Variants in OCIAD1 observed in about 807,000 individuals in gnomAD.
The protein encoded by OCIAD1 is OCIA domain-containing protein 1.
OCIAD1 carries 29 observed loss-of-function variants against 38.9 expected under a neutral mutation model. That is an observed-to-expected ratio of 0.74 (90% CI 0.55 to 1.02). The LOEUF (loss-of-function observed/expected upper bound fraction) is 1.02. OCIAD1 is among the 50% of genes least tolerant of loss of function. OCIAD1 has a pLI of 0.00. For synonymous variants in OCIAD1, 110 were observed against 92.0 expected (o/e 1.20, Z -1.12); for missense variants, 288 against 289.6 (o/e 0.99, Z 0.04).
chr4:48,821,962 A>G (rs963298264), intron 1 of OCIAD1, among the ~76,000 whole-genome samples: 2 of 152,194 alleles, frequency 1.3e-5, no homozygotes, highest in African/African-American at 4.8e-5. Flanking sequence ...GAAAATGGCC[A>G]CACTGCCCAA....
chr4:48,854,049 T>G (rs2109606095), intron 7 of OCIAD1, among the ~76,000 whole-genome samples: 1 of 152,342 alleles, frequency 6.6e-6, no homozygotes, highest in East Asian at 1.9e-4. Context: ...AGTCACTATC[T>G]TATCTCCAAA....
intron 1 of OCIAD1, among the ~76,000 whole-genome samples, chr4:48,824,721 GT>G (rs888268353): frequency 2.0e-5 from 3 of 152,026 alleles, no homozygotes. Context: ...GACAATTCAG[GT>G]GAATTTTGAA....
chr4:48,831,621 G>A, intron 1 of OCIAD1: 3 of 1,121,194 alleles, frequency 2.7e-6, no homozygotes, highest in Non-Finnish European at 3.6e-6. Flanking sequence ...CGCCGTGTCA[G>A]CCCTGACAGT....
upstream of OCIAD1, chr4:48,805,201 C>G (rs139665339): frequency 1.7e-3 from 261 of 152,260 alleles, 4 homozygotes; most frequent in African/African-American, 6.0e-3. Flanking sequence ...GACACTCAAC[C>G]AGCACTAAGG....
chr4:48,821,891 G>A (rs560755187), intron 1 of OCIAD1, among the ~76,000 whole-genome samples: 7 of 152,144 alleles, frequency 4.6e-5, no homozygotes, highest in Admixed American at 1.3e-4. Flanking sequence ...AAGGAAATAC[G>A]AGAGGACACA....
At chr4:48,827,290 TTTA>T (rs771486963), upstream of OCIAD1, among the ~76,000 whole-genome samples, 8 of 152,352 alleles carry the variant, frequency 5.3e-5, no homozygotes, top group Non-Finnish European at 8.8e-5. Context: ...AAATTATCCC[TTTA>T]TTATTAATTT....
chr4:48,833,363 G>T (rs1294744903), intron 2 of OCIAD1, 38 bp from the exon 3 acceptor site: 1 of 1,229,290 alleles, frequency 8.1e-7, no homozygotes, highest in Non-Finnish European at 1.2e-6. Flanking sequence ...GTTTTATTAT[G>T]GATAATTTAA....
chr4:48,808,667 A>C (rs143903376), intron 1 of OCIAD1, among the ~76,000 whole-genome samples: 2 of 152,268 alleles, frequency 1.3e-5, no homozygotes, highest in East Asian at 3.9e-4. Flanking sequence ...CCCTCACCGT[A>C]CAATTGAACC....
At chr4:48,832,850 G>A (rs1458348532) in intron 2 of OCIAD1, 168 bp downstream of exon 2, 5 of 620,790 alleles carry the variant, frequency 8.1e-6, no homozygotes, top group South Asian at 1.9e-5. Context: ...TAATCATTTG[G>A]ATAAGGAGTC....
At chr4:48,829,321 A>T (rs1777305993), upstream of OCIAD1, among the ~76,000 whole-genome samples, 1 of 151,946 alleles carries the variant, frequency 6.6e-6, no homozygotes, top group East Asian at 1.9e-4. Flanking sequence ...AATGTCTTCT[A>T]ATTTTTTTAT....
chr4:48,847,551 T>A (rs1183561808), intron 4 of OCIAD1, among the ~76,000 whole-genome samples: 1 of 152,218 alleles, frequency 6.6e-6, no homozygotes, highest in Non-Finnish European at 1.5e-5. Context: ...CTTTCATATT[T>A]AAATTTTTAA....
At chr4:48,860,597 A>T in intron 8 of OCIAD1, 128 bp from the exon 9 acceptor site, 1 of 752,346 alleles carries the variant, frequency 1.3e-6, no homozygotes, top group Admixed American at 2.5e-5. Context: ...TGTAATTATA[A>T]TTTGACTCTC....
intron 3 of OCIAD1, among the ~76,000 whole-genome samples, chr4:48,838,702 A>AT (rs1302602553): frequency 3.3e-5 from 5 of 152,242 alleles, no homozygotes; most frequent in African/African-American, 1.2e-4. Context: ...GAAAAAGGTG[A>AT]TAAAAGCATT....
intron 1 of OCIAD1, among the ~76,000 whole-genome samples, chr4:48,813,381 T>A (rs929136662): frequency 6.6e-6 from 1 of 151,988 alleles, no homozygotes; most frequent in African/African-American, 2.4e-5. Flanking sequence ...TGGTTGGGGG[T>A]GGTGGCTCAC....
Position 48,841,177 on chromosome 4 carries a change from TA to T in OCIAD1, c.140-1455del, listed in dbSNP as rs1778491243. On this transcript the variant is annotated intron_variant, in intron 3 of 8. Transcript: ENST00000264312. Reference sequence around the variant, plus strand: ...GGATTGTCTTTCGGTGCTTTTGCTTTAAAACGGCAATTGAGTAACTGGGACA... The same window carrying T: ...GGATTGTCTTTCGGTGCTTTTGCTTTAAACGGCAATTGAGTAACTGGGACA... Among the ~76,000 whole-genome samples the T allele has an allele frequency of 2.6e-5, 4 of 152,358 alleles. No individual in the cohort carries two copies. In the South Asian group the frequency reaches 8.3e-4, roughly 32 times the overall value.
chr4:48,814,323 C>A (rs548361506), intron 1 of OCIAD1, among the ~76,000 whole-genome samples: 1 of 147,870 alleles, frequency 6.8e-6, no homozygotes, highest in Admixed American at 6.7e-5. Flanking sequence ...ATTCAGAAAG[C>A]CTTTTTTTTT....
At chr4:48,815,524 G>A (rs1465396703) in intron 1 of OCIAD1, among the ~76,000 whole-genome samples, 1 of 152,118 alleles carries the variant, frequency 6.6e-6, no homozygotes, top group Non-Finnish European at 1.5e-5. Context: ...CCTGCTTTTT[G>A]GAGGATCTTT....
intron 1 of OCIAD1, among the ~76,000 whole-genome samples, chr4:48,824,995 C>T (rs1350426942): frequency 6.6e-6 from 1 of 152,152 alleles, no homozygotes; most frequent in Non-Finnish European, 1.5e-5. Flanking sequence ...CTTGGCATCC[C>T]AAAGTACTGG....
chr4:48,826,126 C>A (rs1264554583), upstream of OCIAD1, among the ~76,000 whole-genome samples: 1 of 152,102 alleles, frequency 6.6e-6, no homozygotes, highest in East Asian at 1.9e-4. Flanking sequence ...GCATGAGCTA[C>A]TGTGCTTGGC....
Sources: allele counts gnomAD v4.1 joint callset (sites outside exome capture counted in the v4.1 genomes callset), GRCh38; gene constraint gnomAD v4.1.1; transcripts MANE v1.5; gene names NCBI Gene and HGNC (gene_info 2026-07-23, HGNC 2026-07-21).